NSUN6: variants seen among roughly 807,000 people sequenced by gnomAD.
NSUN6 encodes the protein tRNA (cytosine(72)-C(5))-methyltransferase NSUN6.
NSUN6 carries 64 observed loss-of-function variants against 58.0 expected under a neutral mutation model. That is an observed-to-expected ratio of 1.10 (90% CI 0.90 to 1.36). The LOEUF is 1.36. Among genes scored for constraint, NSUN6 ranks in the 40% most tolerant of loss-of-function variants. The pLI, the probability that NSUN6 is intolerant of heterozygous loss-of-function variation, is 0.00. For missense variants in NSUN6, 701 were observed against 550.1 expected, an observed-to-expected ratio of 1.27 and a Z score of -2.74; for synonymous variants, 231 against 193.9, an observed-to-expected ratio of 1.19 and a Z score of -1.59.
chr10:18,594,938 T>G (rs10764603), intron 7 of NSUN6, among the ~76,000 whole-genome samples: 74 of 151,816 alleles, frequency 4.9e-4, no homozygotes, highest in Non-Finnish European at 9.1e-4. Context: ...TGAAAAGCAC[T>G]TGAACAGTTG....
chr10:18,645,700 A>C (rs956228316), intron 2 of NSUN6, among the ~76,000 whole-genome samples: 1 of 152,060 alleles, frequency 6.6e-6, no homozygotes, highest in Non-Finnish European at 1.5e-5. Context: ...CATGCTGGAG[A>C]ATTTATATGA....
At chr10:18,585,525 T>C (rs540101593) in intron 8 of NSUN6, among the ~76,000 whole-genome samples, 7 of 152,254 alleles carry the variant, frequency 4.6e-5, no homozygotes, top group African/African-American at 1.7e-4. Context: ...CTGGAAGACA[T>C]CATATTATGC....
At chr10:18,650,744 G>A (rs2059679621) in intron 1 of NSUN6, among the ~76,000 whole-genome samples, 1 of 152,204 alleles carries the variant, frequency 6.6e-6, no homozygotes, top group Admixed American at 6.5e-5. Context: ...TAGCACAACT[G>A]CTGGCATTTA....
At chr10:18,566,456 G>GCATTCCATTCCATTCTC (rs1339880246) in intron 8 of NSUN6, among the ~76,000 whole-genome samples, 11 of 129,490 alleles carry the variant, frequency 8.5e-5, no homozygotes, top group South Asian at 2.5e-4. Context: ...ATTCCATTCT[G>GCATTCCATTCCATTCTC]CATTCCATTC....
At chr10:18,552,328 T>C (rs560411875) in intron 8 of NSUN6, among the ~76,000 whole-genome samples, 13 of 152,244 alleles carry the variant, frequency 8.5e-5, no homozygotes, top group East Asian at 7.7e-4. Context: ...GTAATTCCTA[T>C]TGAAGACAGC....
chr10:18,597,345 GAC>G (rs2057630058), intron 6 of NSUN6, among the ~76,000 whole-genome samples: 1 of 152,170 alleles, frequency 6.6e-6, no homozygotes, highest in African/African-American at 2.4e-5. Flanking sequence ...TTATTTTGGA[GAC>G]AGAGTCTCAT....
chr10:18,568,666 C>T (rs1564733630), intron 8 of NSUN6, among the ~76,000 whole-genome samples: 1 of 149,346 alleles, frequency 6.7e-6, no homozygotes, highest in African/African-American at 2.5e-5. Flanking sequence ...TCTCCATTCA[C>T]TTCCATTCCA....
chr10:18,635,666 C>T (rs1281729140), intron 3 of NSUN6, among the ~76,000 whole-genome samples: 5 of 151,734 alleles, frequency 3.3e-5, no homozygotes, highest in Non-Finnish European at 5.9e-5. Flanking sequence ...GGTAAAACTC[C>T]GTCTCTGCTA....
chr10:18,634,465 G>C (rs1316275771), intron 3 of NSUN6, among the ~76,000 whole-genome samples: 3 of 152,032 alleles, frequency 2.0e-5, no homozygotes, highest in Non-Finnish European at 4.4e-5. Flanking sequence ...ACAGGCTTAA[G>C]AACAAACCGG....
chr10:18,550,832 C>T (rs1320877426), intron 9 of NSUN6, among the ~76,000 whole-genome samples: 2 of 151,350 alleles, frequency 1.3e-5, no homozygotes, highest in African/African-American at 4.9e-5. Context: ...TCAAGCAATT[C>T]TCCTGCCTCA....
At chr10:18,611,828 C>T (rs889393590) in intron 5 of NSUN6, among the ~76,000 whole-genome samples, 65 of 152,214 alleles carry the variant, frequency 4.3e-4, no homozygotes, top group African/African-American at 1.5e-3. Context: ...GCCTTAGCTT[C>T]CGGAGTTCCT....
chr10:18,658,608 G>A (rs940873299), upstream of NSUN6: 47 of 931,766 alleles, frequency 5.0e-5, no homozygotes, highest in African/African-American at 1.8e-4. Flanking sequence ...GGAGAGGGGT[G>A]CTATGTGTTA....
In NSUN6 at chr10:18,545,691, T is replaced by G; in HGVS notation, c.*242A>C. On this transcript the variant is annotated 3_prime_UTR_variant, in exon 11 of 11. Coordinates refer to ENST00000377304, the MANE Select transcript of NSUN6 (RefSeq NM_182543.5). Reference sequence around the variant, plus strand: ...GCTCCAGACATCTATAGGCATCTGCTTTTCTTTATACTCTACTAAATACAT... The same window carrying G: ...GCTCCAGACATCTATAGGCATCTGCGTTTCTTTATACTCTACTAAATACAT... The G allele has an allele frequency of 2.7e-6, 1 of 367,522 alleles. No homozygotes were observed. The highest frequency in any genetic ancestry group is 5.6e-5 in the East Asian group (1 of 17,750). The allele number at this position is 367,522 out of a possible 1,614,324, so 22.8% of individuals were successfully genotyped here. A position where few individuals can be genotyped will look rare whatever the true frequency, so the allele number is the denominator to read the frequency against.
At chr10:18,553,796 A>G (rs1029967513) in intron 8 of NSUN6, among the ~76,000 whole-genome samples, 2 of 151,712 alleles carry the variant, frequency 1.3e-5, no homozygotes. Context: ...TAGAGAATGG[A>G]GAATGGAATG....
At chr10:18,561,843 G>C (rs1207505810) in intron 8 of NSUN6, among the ~76,000 whole-genome samples, 1 of 150,780 alleles carries the variant, frequency 6.6e-6, no homozygotes, top group Non-Finnish European at 1.5e-5. Flanking sequence ...GAATGTAATA[G>C]AATGAAACGT....
intron 3 of NSUN6, among the ~76,000 whole-genome samples, chr10:18,622,301 C>G (rs2058637569): frequency 6.6e-6 from 1 of 152,154 alleles, no homozygotes; most frequent in African/African-American, 2.4e-5. Context: ...CTATCTGCAT[C>G]GCAGAAGAGG....
chr10:18,647,809 A>C (rs2059592823), intron 2 of NSUN6, among the ~76,000 whole-genome samples: 1 of 139,230 alleles, frequency 7.2e-6, no homozygotes, highest in Non-Finnish European at 1.5e-5. Context: ...ATTTCGGCTC[A>C]CTGCAACCTC....
chr10:18,583,716 G>C (rs2131091987), intron 8 of NSUN6, among the ~76,000 whole-genome samples: 1 of 152,204 alleles, frequency 6.6e-6, no homozygotes, highest in Middle Eastern at 3.4e-3. Context: ...TCAAGATGTT[G>C]AAAGTACAAT....
At chr10:18,566,285 A>G (rs1161534019) in intron 8 of NSUN6, among the ~76,000 whole-genome samples, 1 of 119,168 alleles carries the variant, frequency 8.4e-6, no homozygotes, top group Non-Finnish European at 1.8e-5. Flanking sequence ...TCCATTCTCC[A>G]TCCCATTCTA....
Sources: allele counts gnomAD v4.1 joint callset (sites outside exome capture counted in the v4.1 genomes callset), GRCh38; gene constraint gnomAD v4.1.1; transcripts MANE v1.5; gene names NCBI Gene and HGNC (gene_info 2026-07-23, HGNC 2026-07-21).